PHLPP1: variants seen among roughly 807,000 people sequenced by gnomAD.
The protein encoded by PHLPP1 is PH domain leucine-rich repeat-containing protein phosphatase 1.
In PHLPP1, 42 loss-of-function variants were observed where a neutral mutation model predicts 117.2. The observed-to-expected ratio is 0.36, with a 90% CI of 0.28 to 0.46. The LOEUF (loss-of-function observed/expected upper bound fraction) is 0.46, where lower values mean the gene tolerates loss of function less well. Among genes scored for constraint, PHLPP1 ranks in the 20% least tolerant of loss-of-function variants. The pLI is 1.00. For synonymous variants in PHLPP1, 1,042 were observed against 970.7 expected (o/e 1.07, Z -1.37); for missense variants, 2,084 against 2,241.9 (o/e 0.93, Z 1.42).
In PHLPP1 at chr18:62,772,802, G is replaced by A. The variant is rs376533135; in HGVS notation, c.1576+55543G>A. Among the ~76,000 whole-genome samples, 59 of 135,152 alleles carry A rather than the reference G, an allele frequency of 4.4e-4. 2 individuals carry two copies. The East Asian group carries it at 8.0e-3, about 18-fold the overall frequency. 88.7% of individuals were successfully genotyped at this position (135,152 alleles called of 152,430 possible). A position where few individuals can be genotyped will look rare whatever the true frequency, so the allele number is the denominator to read the frequency against. On this transcript the variant is annotated intron_variant, in intron 1 of 16. Coordinates refer to ENST00000262719, the MANE Select transcript of PHLPP1 (RefSeq NM_194449.4). The stretch of plus-strand genomic sequence containing the variant: ...GCTGAGATTGTGCCACTGCACTCCA[G>A]CCTGGGCTACTAAGCAAGACTCTTT...
intron 1 of PHLPP1, among the ~76,000 whole-genome samples, chr18:62,755,359 A>G (rs1214681209): frequency 6.6e-6 from 1 of 152,042 alleles, no homozygotes. Context: ...TTCCCCTCTA[A>G]TGATTCCTAT....
chr18:62,887,071 G>A (rs923264046), intron 4 of PHLPP1, among the ~76,000 whole-genome samples: 1 of 152,170 alleles, frequency 6.6e-6, no homozygotes, highest in African/African-American at 2.4e-5. Context: ...GCTACTCTTG[G>A]TAGGGGAAAA....
intron 6 of PHLPP1, among the ~76,000 whole-genome samples, chr18:62,897,110 T>C (rs1399603406): frequency 6.6e-6 from 1 of 152,178 alleles, no homozygotes; most frequent in Non-Finnish European, 1.5e-5. Context: ...ATTTTATTCA[T>C]CCACCAGTGG....
chr18:62,868,001 A>G (rs1031180066), intron 4 of PHLPP1, among the ~76,000 whole-genome samples: 2 of 151,860 alleles, frequency 1.3e-5, no homozygotes, highest in East Asian at 3.9e-4. Context: ...TAGTGGAGAC[A>G]AGGTTTCACT....
intron 10 of PHLPP1, among the ~76,000 whole-genome samples, chr18:62,931,491 AGAG>A (rs1272359256): frequency 2.0e-5 from 3 of 151,942 alleles, no homozygotes; most frequent in East Asian, 1.9e-4. Context: ...AACTAAAATC[AGAG>A]GAGAACTAAA....
Position 62,979,012 on chromosome 18 carries a change from A to G in PHLPP1, c.4735A>G (p.Lys1579Glu). ...IHCSRAKEKE[K>E]QQHLLQVPAE... ...CTGCAGCCGGGCCAAGGAGAAGGAG[A>G]AACAGCAGCACCTGCTTCAGGTGCC... Residue 1579 changes from lysine (K) to glutamate (E), a missense_variant, in exon 17 of 17, where the codon AAA (lysine) becomes GAA (glutamate). Lys to Glu is a moderately conservative substitution (Grantham distance 56, BLOSUM62 1). Transcript: ENST00000262719. The G allele has an allele frequency of 1.2e-6, 2 of 1,613,070 alleles. No homozygotes were observed. The highest frequency in any genetic ancestry group is 1.7e-6 in the Non-Finnish European group (2 of 1,179,738).
intron 15 of PHLPP1, 56 bp downstream of exon 15, chr18:62,972,764 T>C: frequency 7.5e-7 from 1 of 1,327,360 alleles, no homozygotes; most frequent in Non-Finnish European, 1.1e-6. Context: ...TTTGAGTGTT[T>C]ATCCTCTGTT....
chr18:62,949,533 A>G (rs1910394574), intron 12 of PHLPP1, among the ~76,000 whole-genome samples: 1 of 152,202 alleles, frequency 6.6e-6, no homozygotes, highest in South Asian at 2.1e-4. Flanking sequence ...GAGGTTATGT[A>G]AGTTATTAGT....
At chr18:62,905,359 A>G (rs1916821187) in intron 8 of PHLPP1, 75 bp downstream of exon 8, 2 of 692,120 alleles carry the variant, frequency 2.9e-6, no homozygotes, top group Non-Finnish European at 4.4e-6. Context: ...GCTTATGCAC[A>G]AGTACTTTTT....
chr18:62,922,939 C>G (rs1202034964), intron 10 of PHLPP1, among the ~76,000 whole-genome samples: 1 of 152,280 alleles, frequency 6.6e-6, no homozygotes. Flanking sequence ...CTGTGCAGGT[C>G]ATTCTAAACC....
chr18:62,861,357 G>A (rs192588383), intron 4 of PHLPP1, among the ~76,000 whole-genome samples: 1 of 152,116 alleles, frequency 6.6e-6, no homozygotes. Flanking sequence ...GCCCTTCTTG[G>A]CCTCCCAAAG....
chr18:62,716,334 C>A lies in PHLPP1; in HGVS notation c.651C>A (p.Arg217=). The A allele has an allele frequency of 6.5e-7, 1 of 1,530,124 alleles. No individual in the cohort carries two copies. Among genetic ancestry groups the A allele is most frequent in the Non-Finnish European group, 8.7e-7 (1 of 1,144,818 alleles). The allele number at this position is 1,530,124 out of a possible 1,614,324, so 94.8% of individuals were successfully genotyped here. A position where few individuals can be genotyped will look rare whatever the true frequency, so the allele number is the denominator to read the frequency against. The stretch of plus-strand genomic sequence containing the variant: ...GCCACATGGCCTCGACCTACCTGCG[C>A]CCGGTGCTCTGCACACTGGACACCA... ...FDRHMASTYL[R]PVLCTLDTTA... is the part of the protein sequence containing the mutation. The change falls in exon 1 of 17, where the codon CGC becomes CGA. Residue 217 remains arginine (R), a synonymous_variant. Coordinates refer to ENST00000262719, the MANE Select transcript of PHLPP1 (RefSeq NM_194449.4). The surrounding 1 kb of genome is among the most constrained non-coding windows in gnomAD (Gnocchi z 5.7).
intron 1 of PHLPP1, among the ~76,000 whole-genome samples, chr18:62,734,036 C>CA (rs1440730135): frequency 2.0e-5 from 3 of 151,978 alleles, no homozygotes; most frequent in African/African-American, 2.4e-5. Context: ...TTTTTTGAAA[C>CA]AAAAAAATGC....
At chr18:62,796,935 A>G (rs1913645015) in intron 1 of PHLPP1, among the ~76,000 whole-genome samples, 1 of 152,142 alleles carries the variant, frequency 6.6e-6, no homozygotes, top group African/African-American at 2.4e-5. Flanking sequence ...GAGAAATTCT[A>G]TTTTCTATTT....
chr18:62,817,924 G>A (rs542254986), intron 1 of PHLPP1, among the ~76,000 whole-genome samples: 2 of 147,092 alleles, frequency 1.4e-5, no homozygotes, highest in South Asian at 2.2e-4. Context: ...GCGAGATCTC[G>A]GCTCACTGCA....
intron 1 of PHLPP1, among the ~76,000 whole-genome samples, chr18:62,775,812 C>A (rs1350264730): frequency 6.6e-6 from 1 of 152,146 alleles, no homozygotes; most frequent in African/African-American, 2.4e-5. Context: ...TTTCCGTCAT[C>A]CCCAGAAGTT....
At chr18:62,950,334 T>C (rs1238155169) in intron 12 of PHLPP1, among the ~76,000 whole-genome samples, 1 of 152,218 alleles carries the variant, frequency 6.6e-6, no homozygotes, top group Non-Finnish European at 1.5e-5. Context: ...TGCTATACTC[T>C]TGAGGACAAT....
intron 1 of PHLPP1, among the ~76,000 whole-genome samples, chr18:62,750,258 A>G (rs1741005786): frequency 6.6e-6 from 1 of 152,120 alleles, no homozygotes; most frequent in South Asian, 2.1e-4. Flanking sequence ...GGGTGTTGTT[A>G]TTACGTGCAG....
chr18:62,854,782 C>T (rs1301191059), intron 3 of PHLPP1, among the ~76,000 whole-genome samples: 4 of 150,904 alleles, frequency 2.7e-5, no homozygotes, highest in African/African-American at 4.9e-5. Context: ...CTGCAATCTC[C>T]GCCTCCCAGG....
Sources: allele counts gnomAD v4.1 joint callset (sites outside exome capture counted in the v4.1 genomes callset), GRCh38; gene constraint gnomAD v4.1.1; non-coding constraint Gnocchi (gnomAD v3.1); transcripts MANE v1.5; gene names NCBI Gene and HGNC (gene_info 2026-07-23, HGNC 2026-07-21).